Variants in NEURL4 observed in about 807,000 individuals in gnomAD.
NEURL4 encodes the protein neuralized-like protein 4.
NEURL4 carries 45 observed loss-of-function variants against 148.0 expected under a neutral mutation model. The ratio of observed to expected loss-of-function variants is 0.30; its 90% CI spans 0.24 to 0.39. The LOEUF (loss-of-function observed/expected upper bound fraction) is 0.39. Among genes scored for constraint, NEURL4 ranks in the 10% least tolerant of loss-of-function variants. The pLI is 1.00. For synonymous variants in NEURL4, 854 were observed against 869.0 expected, an observed-to-expected ratio of 0.98 and a Z score of 0.30; for missense variants, 1,776 against 2,144.0, an observed-to-expected ratio of 0.83 and a Z score of 3.39.
At position 7,323,743 on chromosome 17, in the gene NEURL4, C is replaced by T; in HGVS notation, c.2262-20G>A. 2 of 1,614,006 alleles carry T rather than the reference C, an allele frequency of 1.2e-6. No individual in the cohort carries two copies. The highest frequency in any genetic ancestry group is 1.7e-6 in the Non-Finnish European group (2 of 1,179,966). On this transcript the variant is annotated intron_variant, in intron 12 of 28. Transcript: ENST00000399464. Reference sequence around the variant, plus strand: ...AGGGCCCTGCCAGGAGACTGGCGATCAGAGAGGCTCTACTTGCATGGCTGA... The same window carrying T: ...AGGGCCCTGCCAGGAGACTGGCGATTAGAGAGGCTCTACTTGCATGGCTGA...
In NEURL4 at chr17:7,322,103, G is replaced by T; in HGVS notation, c.2726-93C>A. Reference sequence around the variant, plus strand: ...AAAGCTTTCAGATGAAACGAAATGGGGATGCCAACGCCCCATCTGCCATCT... The same window carrying T: ...AAAGCTTTCAGATGAAACGAAATGGTGATGCCAACGCCCCATCTGCCATCT... On this transcript the variant is annotated intron_variant, in intron 16 of 28. Coordinates refer to ENST00000399464, the MANE Select transcript of NEURL4 (RefSeq NM_032442.3). This position sits in a 1 kb window ranked among gnomAD's most constrained non-coding sequence, Gnocchi z 5.5. The T allele has an allele frequency of 7.0e-7, 1 of 1,423,228 alleles. No homozygotes were observed. The highest frequency in any genetic ancestry group is 1.4e-5 in the African/African-American group (1 of 70,250). 88.2% of individuals were successfully genotyped at this position (1,423,228 alleles called of 1,614,324 possible).
In NEURL4 at chr17:7,321,114, C is replaced by T. The variant is rs79385421; in HGVS notation, c.3358G>A (p.Gly1120Arg). Residue 1120 changes from glycine to arginine, a missense_variant and splice_region_variant, in exon 20 of 29, where the codon GGA becomes AGA. Physicochemically the swap from Gly to Arg is moderately radical, Grantham distance 125 (BLOSUM62 -2). Transcript: ENST00000399464. The surrounding 1 kb of genome is among the most constrained non-coding windows in gnomAD (Gnocchi z 6.3). ...EDDEGEEHGLGGQNEVGIIPT... is the reference protein window; with the variant it reads ...EDDEGEEHGLRGQNEVGIIPT... Reference sequence around the variant, plus strand: ...CAGACCATGCTGCAGCCTCTTACTCCCAGGCCATGCTCCTCGCCCTCGTCA... The same window carrying T: ...CAGACCATGCTGCAGCCTCTTACTCTCAGGCCATGCTCCTCGCCCTCGTCA... 0.022 allele frequency: 35,263 copies of T among 1,613,486 alleles called. 484 individuals carry two copies. Among genetic ancestry groups the T allele is most frequent in the Non-Finnish European group, 0.026 (30,475 of 1,179,806 alleles).
Position 7,317,456 on chromosome 17 carries a change from A to G in NEURL4, c.4318+5T>C. 6.2e-7 allele frequency: 1 copy of G among 1,614,102 alleles called. No homozygotes were observed. Among genetic ancestry groups the G allele is most frequent in the South Asian group, 1.1e-5 (1 of 91,080 alleles). On this transcript the variant is annotated splice_donor_5th_base_variant and intron_variant, in intron 27 of 28. Transcript: ENST00000399464. ...CCCACCTTGCATGGGCCTACTCGCC[A>G]GTACCTGCTCCCAGCTCCCCTCGGT...
At chr17:7,328,941 A>G (rs2073137699) in intron 1 of NEURL4, 90 bp downstream of exon 1, 1 of 1,279,596 alleles carries the variant, frequency 7.8e-7, no homozygotes, top group Non-Finnish European at 1.0e-6. Flanking sequence ...GTGCCCGGCA[A>G]TGTGGGCTAC....
At position 7,327,554 on chromosome 17, in the gene NEURL4, G is replaced by T. The variant is rs1307833943; in HGVS notation, c.613C>A (p.Leu205Ile). 6.2e-7 allele frequency: 1 copy of T among 1,610,468 alleles called. No homozygotes were observed. Among genetic ancestry groups the T allele is most frequent in the Non-Finnish European group, 8.5e-7 (1 of 1,179,248 alleles). The change falls in exon 2 of 29, where the codon CTA becomes ATA. Residue 205 changes from leucine to isoleucine, a missense_variant. Physicochemically the swap from Leu to Ile is conservative, Grantham distance 5 (BLOSUM62 2). Coordinates refer to ENST00000399464, the MANE Select transcript of NEURL4 (RefSeq NM_032442.3). The surrounding 1 kb of genome is among the most constrained non-coding windows in gnomAD (Gnocchi z 6.6). ...GGGCTGAAGCCTGGCTCAGGGGGTA[G>T]CACGGTGATCTGGGTGCACTTGCCA... Reference protein sequence around the residue: ...LYGKCTQITVLPPEPGFSPPT... With the variant: ...LYGKCTQITVIPPEPGFSPPT...
rs550181074 is a variant in NEURL4 at position 7,322,188 on chromosome 17, C to T, written c.2726-178G>A. On this transcript the variant is annotated intron_variant, in intron 16 of 28. Coordinates refer to ENST00000399464, the MANE Select transcript of NEURL4 (RefSeq NM_032442.3). This position sits in a 1 kb window ranked among gnomAD's most constrained non-coding sequence, Gnocchi z 5.5. ...ATTGTATTTTGTTGAGGCAGAGTCT[C>T]GCTCTGTCACTCAGGCTGGAGTGCA... Among the ~76,000 whole-genome samples the T allele has an allele frequency of 2.6e-5, 4 of 152,270 alleles. No homozygotes were observed. The highest frequency in any genetic ancestry group is 7.2e-5 in the African/African-American group (3 of 41,556).
chr17:7,322,739 G>T lies in NEURL4; in HGVS notation c.2721C>A (p.Ser907=), dbSNP rs757861512. Residue 907 remains serine, a synonymous_variant, in exon 16 of 29, where the codon TCC becomes TCA. Coordinates refer to ENST00000399464, the MANE Select transcript of NEURL4 (RefSeq NM_032442.3). The surrounding 1 kb of genome is among the most constrained non-coding windows in gnomAD (Gnocchi z 5.5). ...GCCCCCGCCCTGCTGCCGCACCTGG[G>T]GAGTGCAGTGGGAAGGACTTCTCGG... ...TATEKSFPLH[S]PVAGVAHRFH... 3 of 1,611,664 alleles carry T rather than the reference G, an allele frequency of 1.9e-6. No homozygotes were observed. Among genetic ancestry groups the T allele is most frequent in the Admixed American group, 1.7e-5 (1 of 60,006 alleles).
At chr17:7,325,144 T>TC in intron 8 of NEURL4, 65 bp downstream of exon 8, 4 of 956,474 alleles carry the variant, frequency 4.2e-6, no homozygotes, top group South Asian at 1.5e-5. Flanking sequence ...TCCACTTCCT[T>TC]GCCCCGCCCC....
Position 7,316,235 on chromosome 17 carries a change from GA to G in NEURL4, c.4576del (p.Ser1526ProfsTer40). On this transcript the variant is annotated frameshift_variant, in exon 29 of 29. Transcript: ENST00000399464. LOFTEE classifies it high-confidence loss of function. Reference protein sequence around the residue: ...RPGSYTPGPPSAALGEPPDPH... With the variant: ...RPGSYTPGPPXAALGEPPDPH... The stretch of plus-strand genomic sequence containing the variant: ...GTCAGGAGGTTCTCCAAGGGCAGCG[GA>G]AGGGGGTCCCGGGGTGTAGGAGCCA... 1 of 1,613,984 alleles carries G rather than the reference GA, an allele frequency of 6.2e-7. No individual in the cohort carries two copies. Among genetic ancestry groups the G allele is most frequent in the Non-Finnish European group, 8.5e-7 (1 of 1,179,932 alleles).
intron 8 of NEURL4, 102 bp downstream of exon 8, chr17:7,325,107 G>C (rs2073085034): frequency 6.6e-7 from 1 of 1,517,388 alleles, no homozygotes; most frequent in Admixed American, 2.0e-5. Flanking sequence ...CCTCCAGGAA[G>C]CTGCCCCCGC....
intron 28 of NEURL4, among the ~76,000 whole-genome samples, chr17:7,316,724 C>G (rs2072951341): frequency 6.6e-6 from 1 of 152,182 alleles, no homozygotes; most frequent in Admixed American, 6.5e-5. Flanking sequence ...GAGATCGAGA[C>G]CATCCTGGCC....
At chr17:7,316,675 G>T (rs1269218034) in intron 28 of NEURL4, among the ~76,000 whole-genome samples, 1 of 152,198 alleles carries the variant, frequency 6.6e-6, no homozygotes, top group Non-Finnish European at 1.5e-5. Flanking sequence ...GCCTGTCCCA[G>T]CCCTTTGGGA....
intron 21 of NEURL4, among the ~76,000 whole-genome samples, chr17:7,319,988 C>T (rs2073008975): frequency 1.3e-5 from 2 of 151,826 alleles, no homozygotes; most frequent in Non-Finnish European, 2.9e-5. Flanking sequence ...CGCCACCACG[C>T]CCGGCTAATT....
At chr17:7,325,015 A>C (rs1260002200) in intron 8 of NEURL4, 35 bp from the exon 9 acceptor site, 1 of 1,609,880 alleles carries the variant, frequency 6.2e-7, no homozygotes, top group South Asian at 1.1e-5. Flanking sequence ...CAGATCCCCA[A>C]CACACGCTCT....
rs1371050670 is a variant in NEURL4 at position 7,327,965 on chromosome 17, C to G, written c.283-81G>C. ...CCACCATATCTTCCCACCTCTCAGACAGCTAGCTGGCTTTCTGTCTCTTGG... is the reference window on the plus strand; with the variant it reads ...CCACCATATCTTCCCACCTCTCAGAGAGCTAGCTGGCTTTCTGTCTCTTGG... On this transcript the variant is annotated intron_variant, in intron 1 of 28. Coordinates refer to ENST00000399464, the MANE Select transcript of NEURL4 (RefSeq NM_032442.3). The surrounding 1 kb of genome is among the most constrained non-coding windows in gnomAD (Gnocchi z 6.6). 1 of 1,138,448 alleles carries G rather than the reference C, an allele frequency of 8.8e-7. No individual in the cohort carries two copies. Among genetic ancestry groups the G allele is most frequent in the Non-Finnish European group, 1.2e-6 (1 of 816,814 alleles). 70.5% of individuals were successfully genotyped at this position (1,138,448 alleles called of 1,614,324 possible). A position where few individuals can be genotyped will look rare whatever the true frequency, so the allele number is the denominator to read the frequency against.
rs1198318980 is a variant in NEURL4, at chr17:7,318,080, G to C, written c.4045C>G (p.Leu1349Val). ...TGGGACTCACCGGGAAGCAGCAGGAGTTCTTGGAAGCGAGAGCAAAGGGCA... is the reference window on the plus strand; with the variant it reads ...TGGGACTCACCGGGAAGCAGCAGGACTTCTTGGAAGCGAGAGCAAAGGGCA... ...YHALCSRFQE[L>V]LLLPEDYFMP... is the part of the protein sequence containing the mutation. Residue 1349 changes from leucine (L) to valine (V), a missense_variant, in exon 25 of 29, where the codon CTC becomes GTC. Transcript: ENST00000399464. The surrounding 1 kb of genome is among the most constrained non-coding windows in gnomAD (Gnocchi z 4.3). 4 of 1,614,032 alleles carry C rather than the reference G, an allele frequency of 2.5e-6. No homozygotes were observed. The highest frequency in any genetic ancestry group is 3.4e-6 in the Non-Finnish European group (4 of 1,179,994).
At position 7,329,227 on chromosome 17, in the gene NEURL4, C is replaced by A; in HGVS notation, c.86G>T (p.Gly29Val). The A allele has an allele frequency of 6.6e-7, 1 of 1,521,310 alleles. No individual in the cohort carries two copies. Among genetic ancestry groups the A allele is most frequent in the Non-Finnish European group, 8.8e-7 (1 of 1,141,318 alleles). 94.2% of individuals were successfully genotyped at this position (1,521,310 alleles called of 1,614,324 possible). A position where few individuals can be genotyped will look rare whatever the true frequency, so the allele number is the denominator to read the frequency against. The stretch of plus-strand genomic sequence containing the variant: ...ACCCCCGTTGGACCCCGGTCCTGAG[C>A]CGCTCCCGCTGGGGCCCCCACCCCC... The part of the protein sequence containing the change: ...PGGGGGPSGS[G>V]SGPGSNGGLG... The change falls in exon 1 of 29, where the codon GGC becomes GTC. Residue 29 changes from glycine to valine, a missense_variant. By Grantham distance (109) the Gly-to-Val change is moderately radical. Coordinates refer to ENST00000399464, the MANE Select transcript of NEURL4 (RefSeq NM_032442.3).
In NEURL4 at chr17:7,324,299, A is replaced by C; in HGVS notation, c.1900-29T>G. 1 of 1,613,186 alleles carries C rather than the reference A, an allele frequency of 6.2e-7. No individual in the cohort carries two copies. Among genetic ancestry groups the C allele is most frequent in the Middle Eastern group, 1.6e-4 (1 of 6,062 alleles). ...GGAAGAAGGGGGTGCTGGAGTGAGGAGTCAGGCAGAGTTCCTGCCGGGGCT... is the reference window on the plus strand; with the variant it reads ...GGAAGAAGGGGGTGCTGGAGTGAGGCGTCAGGCAGAGTTCCTGCCGGGGCT... On this transcript the variant is annotated intron_variant, in intron 10 of 28. Coordinates refer to ENST00000399464, the MANE Select transcript of NEURL4 (RefSeq NM_032442.3). This position sits in a 1 kb window ranked among gnomAD's most constrained non-coding sequence, Gnocchi z 5.9.
chr17:7,318,790 G>T lies in NEURL4; in HGVS notation c.3685-116C>A, dbSNP rs950643460. On this transcript the variant is annotated intron_variant, in intron 22 of 28. Transcript: ENST00000399464. This position sits in a 1 kb window ranked among gnomAD's most constrained non-coding sequence, Gnocchi z 4.3. ...GGCTTTGCCTCCATGCTTGCCCACTGCCGAGGTTCTCCTCCCACTGCAGTT... is the reference window on the plus strand; with the variant it reads ...GGCTTTGCCTCCATGCTTGCCCACTTCCGAGGTTCTCCTCCCACTGCAGTT... The T allele has an allele frequency of 1.5e-5, 18 of 1,195,330 alleles. No homozygotes were observed. The African/African-American group carries it at 2.6e-4, about 17-fold the overall frequency. The allele number at this position is 1,195,330 out of a possible 1,614,324, so 74.0% of individuals were successfully genotyped here. A position where few individuals can be genotyped will look rare whatever the true frequency, so the allele number is the denominator to read the frequency against.
Sources: gnomAD v4.1 joint callset for allele counts (sites outside exome capture counted in the v4.1 genomes callset) on GRCh38, gnomAD v4.1.1 for gene constraint, Gnocchi (gnomAD v3.1) non-coding constraint, MANE v1.5 for transcripts, NCBI Gene and HGNC (gene_info 2026-07-23, HGNC 2026-07-21) for gene names.